Variants in MROH9 observed in about 807,000 individuals in gnomAD.
The protein encoded by MROH9 is maestro heat like repeat family member 9.
A neutral mutation model predicts 98.2 loss-of-function variants in MROH9; 92 were observed. That is an observed-to-expected ratio of 0.94 (90% CI 0.79 to 1.11). The LOEUF is 1.11. Among genes scored for constraint, MROH9 ranks in the 50% most tolerant of loss-of-function variants. The pLI is 0.00. For missense variants in MROH9, 1,057 were observed against 1,014.8 expected (o/e 1.04, Z -0.57); for synonymous variants, 397 against 368.9 (o/e 1.08, Z -0.87).
chr1:171,058,071 G>A (rs777561382), intron 20 of MROH9, among the ~76,000 whole-genome samples: 5 of 152,218 alleles, frequency 3.3e-5, no homozygotes, highest in South Asian at 2.1e-4. Flanking sequence ...CAGATGACAC[G>A]GTTTTATATT....
chr1:170,968,342 C>A (rs1424495787), intron 7 of MROH9, among the ~76,000 whole-genome samples: 1 of 152,140 alleles, frequency 6.6e-6, no homozygotes, highest in African/African-American at 2.4e-5. Context: ...TTTGCAAAAA[C>A]CATTGTTAAG....
rs376654094 is a variant in MROH9, at chr1:170,998,202, T to C, written c.1524T>C (p.Tyr508=). 2.7e-5 allele frequency: 43 copies of C among 1,612,248 alleles called. No homozygotes were observed. The highest frequency in any genetic ancestry group is 1.2e-5 in the Non-Finnish European group (14 of 1,179,256). ...NFPQFPETLS[Y]LYKLSVEGPR... ...CACAGTTTCCGGAGACCCTGAGTTA[T>C]CTCTATAAGCTCTCAGTAGAAGGTC... The change falls in exon 15 of 22, where the codon TAT becomes TAC. Residue 508 remains tyrosine (Y), a synonymous_variant. Transcript: ENST00000367759.
chr1:170,971,731 C>G lies in MROH9; in HGVS notation c.481-17C>G. ...CTATGCATAGCAAATGCATGTTCTC[C>G]TTTGTTTCTCCATTAGATAAGTGTT... On this transcript the variant is annotated splice_polypyrimidine_tract_variant and intron_variant, in intron 7 of 21. Coordinates refer to ENST00000367759, the MANE Select transcript of MROH9 (RefSeq NM_001163629.2). 1 of 1,613,380 alleles carries G rather than the reference C, an allele frequency of 6.2e-7. No individual in the cohort carries two copies. The highest frequency in any genetic ancestry group is 1.7e-4 in the Middle Eastern group (1 of 6,052).
chr1:171,051,174 T>C (rs1202042044), intron 20 of MROH9, among the ~76,000 whole-genome samples: 3 of 152,182 alleles, frequency 2.0e-5, no homozygotes, highest in Non-Finnish European at 4.4e-5. Context: ...GTGTAAGACA[T>C]TGTGATATTT....
intron 15 of MROH9, among the ~76,000 whole-genome samples, chr1:171,012,974 G>A (rs1393853722): frequency 6.6e-6 from 1 of 151,982 alleles, no homozygotes; most frequent in Non-Finnish European, 1.5e-5. Context: ...TTGCCCTCAA[G>A]CCTCCCTGCT....
At chr1:171,036,423 G>A (rs1046287772) in intron 20 of MROH9, among the ~76,000 whole-genome samples, 1 of 152,040 alleles carries the variant, frequency 6.6e-6, no homozygotes, top group Non-Finnish European at 1.5e-5. Flanking sequence ...GAAATAATGG[G>A]AATTTTTGTT....
chr1:171,001,999 C>A (rs28819721), intron 15 of MROH9, among the ~76,000 whole-genome samples: 10,146 of 152,208 alleles, frequency 0.067, 392 homozygotes, highest in African/African-American at 0.085. Flanking sequence ...TAATGTCCAT[C>A]TTTGTCTCTT....
chr1:171,057,691 G>A (rs1653889326), intron 20 of MROH9, among the ~76,000 whole-genome samples: 1 of 152,008 alleles, frequency 6.6e-6, no homozygotes, highest in South Asian at 2.1e-4. Context: ...TCAAAATAAG[G>A]GAAAAAATGT....
chr1:171,032,724 C>T (rs1296435475), intron 20 of MROH9, among the ~76,000 whole-genome samples: 1 of 152,174 alleles, frequency 6.6e-6, no homozygotes, highest in Non-Finnish European at 1.5e-5. Context: ...GGGTTTCTGA[C>T]AAACCCTGTT....
Position 171,024,772 on chromosome 1 carries a change from G to A in MROH9, c.2178+7G>A. The A allele has an allele frequency of 1.3e-6, 2 of 1,494,274 alleles. No individual in the cohort carries two copies. Among genetic ancestry groups the A allele is most frequent in the Non-Finnish European group, 1.8e-6 (2 of 1,096,660 alleles). 92.6% of individuals were successfully genotyped at this position (1,494,274 alleles called of 1,614,324 possible). A position where few individuals can be genotyped will look rare whatever the true frequency, so the allele number is the denominator to read the frequency against. ...CAATATCTGTAACAATCTTGTAAGTGGCCCTTCCATTTTTACTACTATAAG... is the reference window on the plus strand; with the variant it reads ...CAATATCTGTAACAATCTTGTAAGTAGCCCTTCCATTTTTACTACTATAAG... On this transcript the variant is annotated splice_region_variant and intron_variant, in intron 19 of 21. Coordinates refer to ENST00000367759, the MANE Select transcript of MROH9 (RefSeq NM_001163629.2).
At chr1:171,015,051 A>G (rs571437878) in intron 16 of MROH9, 5 of 471,788 alleles carry the variant, frequency 1.1e-5, no homozygotes, top group South Asian at 7.7e-5. Flanking sequence ...GTAATTCTAC[A>G]CTCCAAAGTA....
intron 20 of MROH9, among the ~76,000 whole-genome samples, chr1:171,055,962 C>A (rs972003146): frequency 1.1e-4 from 17 of 152,118 alleles, no homozygotes; most frequent in Non-Finnish European, 5.9e-5. Flanking sequence ...GCATCCTACC[C>A]AGCAGGGGGA....
At chr1:171,026,178 AG>A (rs749414033) in intron 20 of MROH9, among the ~76,000 whole-genome samples, 1 of 152,066 alleles carries the variant, frequency 6.6e-6, no homozygotes, top group Non-Finnish European at 1.5e-5. Context: ...ATCAGAGAGG[AG>A]GGGCAGAACA....
chr1:171,016,528 A>G (rs1296078073), intron 17 of MROH9, among the ~76,000 whole-genome samples, 192 bp downstream of exon 17: 1 of 152,104 alleles, frequency 6.6e-6, no homozygotes, highest in African/African-American at 2.4e-5. Flanking sequence ...CCTGGGGAAG[A>G]AAAGAAGACT....
chr1:171,038,093 C>T (rs112399224), intron 20 of MROH9, among the ~76,000 whole-genome samples: 31 of 151,962 alleles, frequency 2.0e-4, no homozygotes, highest in South Asian at 4.2e-4. Context: ...AAAAATGAAA[C>T]GGTATTGCAA....
intron 8 of MROH9, among the ~76,000 whole-genome samples, chr1:170,981,432 A>C (rs568064006): frequency 6.6e-6 from 1 of 152,246 alleles, no homozygotes; most frequent in Non-Finnish European, 1.5e-5. Context: ...ATGCAGGCAC[A>C]AAAAGGAATG....
In MROH9 at chr1:170,998,915, A is replaced by AT. The variant is rs1294051939; in HGVS notation, c.1596+641_1596+642insT. 3.2e-4 allele frequency: 70 copies of AT among 221,674 alleles called. No homozygotes were observed. In the East Asian group the frequency reaches 0.011, roughly 34 times the overall value. The allele number at this position is 221,674 out of a possible 1,614,324, so 13.7% of individuals were successfully genotyped here. On this transcript the variant is annotated intron_variant, in intron 15 of 21. Coordinates refer to ENST00000367759, the MANE Select transcript of MROH9 (RefSeq NM_001163629.2). ...TGAGGTGATTTCAAACACCATAGGA[A>AT]AACGGTTAATAAATTATGAAAAGCA...
At position 171,012,409 on chromosome 1, in the gene MROH9, C is replaced by A. The variant is rs146813673; in HGVS notation, c.1597-1708C>A. Among the ~76,000 whole-genome samples, 858 of 151,988 alleles carry A rather than the reference C, an allele frequency of 5.6e-3. 6 individuals are homozygous for A. Among genetic ancestry groups the A allele is most frequent in the Middle Eastern group, 0.027 (8 of 294 alleles). On this transcript the variant is annotated intron_variant, in intron 15 of 21. Transcript: ENST00000367759. ...TCATTCAGTCTCTCTCACTCTCGCT[C>A]TCTTGCTCTGTCACTCCCTATCTTT...
At chr1:171,031,659 T>C (rs553051982) in intron 20 of MROH9, among the ~76,000 whole-genome samples, 9 of 152,224 alleles carry the variant, frequency 5.9e-5, no homozygotes, top group Admixed American at 2.0e-4. Context: ...TTTAGTCTTA[T>C]GGGCTTCTCT....
Sources: allele counts gnomAD v4.1 joint callset (sites outside exome capture counted in the v4.1 genomes callset), GRCh38; gene constraint gnomAD v4.1.1; transcripts MANE v1.5; gene names NCBI Gene and HGNC (gene_info 2026-07-23, HGNC 2026-07-21).